Variants in C17orf75 observed in about 807,000 individuals in gnomAD.
The protein encoded by C17orf75 is protein Njmu-R1.
A neutral mutation model predicts 49.6 loss-of-function variants in C17orf75; 32 were observed. That is an observed-to-expected ratio of 0.65 (90% CI 0.49 to 0.87). C17orf75 has a LOEUF of 0.87. Among genes scored for constraint, C17orf75 ranks in the 40% least tolerant of loss-of-function variants. C17orf75 has a pLI of 0.00. For missense variants in C17orf75, 428 were observed against 473.9 expected (o/e 0.90, Z 0.90); for synonymous variants, 158 against 159.5 (o/e 0.99, Z 0.07).
intron 8 of C17orf75, 23 bp from the exon 9 acceptor site, chr17:32,333,543 T>A: frequency 6.6e-7 from 1 of 1,517,942 alleles, no homozygotes; most frequent in Non-Finnish European, 9.0e-7. Flanking sequence ...TCAGAGAGAC[T>A]AAATAAAATG....
In C17orf75 at chr17:32,337,203, G is replaced by A. The variant is rs956694948; in HGVS notation, c.549+694C>T. The stretch of plus-strand genomic sequence containing the variant: ...AGGCTGGGCACAATGGCTCGTGTCT[G>A]TAATCTCAGCACTTTGGGTGGCTGA... On this transcript the variant is annotated intron_variant, in intron 5 of 9. Coordinates refer to ENST00000577809, the MANE Select transcript of C17orf75 (RefSeq NM_022344.4). Among the ~76,000 whole-genome samples the A allele has an allele frequency of 3.3e-5, 5 of 152,244 alleles. No homozygotes were observed. In the East Asian group the frequency reaches 7.7e-4, roughly 24 times the overall value.
At chr17:32,343,539 T>C (rs796522608), upstream of C17orf75, 1 of 328,222 alleles carries the variant, frequency 3.0e-6, no homozygotes, top group Non-Finnish European at 5.5e-6. Flanking sequence ...TAAGCAATTA[T>C]GGCAGAGATT....
chr17:32,334,529 C>T lies in C17orf75; in HGVS notation c.811G>A (p.Glu271Lys). Reference protein sequence around the residue: ...MTSLCMAMTEEQHKSVVIDCS... With the variant: ...MTSLCMAMTEKQHKSVVIDCS... ...TCGATGACCACAGACTTATGCTGCTCCTCTGTCATGGCCATGCACAAAGAA... is the reference window on the plus strand; with the variant it reads ...TCGATGACCACAGACTTATGCTGCTTCTCTGTCATGGCCATGCACAAAGAA... The change falls in exon 8 of 10, where the codon GAG becomes AAG. Residue 271 changes from glutamate to lysine, a missense_variant. By Grantham distance (56) the Glu-to-Lys change is moderately conservative. Coordinates refer to ENST00000577809, the MANE Select transcript of C17orf75 (RefSeq NM_022344.4). 6.2e-7 allele frequency: 1 copy of T among 1,612,454 alleles called. No homozygotes were observed. The highest frequency in any genetic ancestry group is 8.5e-7 in the Non-Finnish European group (1 of 1,179,366).
At chr17:32,348,982 C>T (rs2041453560) in intron 1 of C17orf75, among the ~76,000 whole-genome samples, 1 of 148,012 alleles carries the variant, frequency 6.8e-6, no homozygotes, top group Non-Finnish European at 1.5e-5. Flanking sequence ...TCTCCTGCCT[C>T]ATTCTCCCGA....
rs1363135838 is a variant in C17orf75, at chr17:32,331,642, A to G, written c.*121T>C. 1 of 811,576 alleles carries G rather than the reference A, an allele frequency of 1.2e-6. No individual in the cohort carries two copies. Among genetic ancestry groups the G allele is most frequent in the East Asian group, 2.7e-5 (1 of 37,662 alleles). 50.3% of individuals were successfully genotyped at this position (811,576 alleles called of 1,614,324 possible). On this transcript the variant is annotated 3_prime_UTR_variant, in exon 10 of 10. Transcript: ENST00000577809. ...AGTTAAATTGGTAAAATACAAAAAGAAAATCTGGATTGAGTTTCAAATCAT... is the reference window on the plus strand; with the variant it reads ...AGTTAAATTGGTAAAATACAAAAAGGAAATCTGGATTGAGTTTCAAATCAT...
chr17:32,337,686 G>A (rs1209969283), intron 5 of C17orf75, among the ~76,000 whole-genome samples: 1 of 152,108 alleles, frequency 6.6e-6, no homozygotes, highest in Non-Finnish European at 1.5e-5. Flanking sequence ...CGATTCTCCT[G>A]CCTCAGCCTC....
At chr17:32,337,101 C>T (rs530977809) in intron 5 of C17orf75, among the ~76,000 whole-genome samples, 1 of 151,998 alleles carries the variant, frequency 6.6e-6, no homozygotes, top group East Asian at 1.9e-4. Flanking sequence ...AAGCCATGAT[C>T]GTGCCACTGC....
At chr17:32,349,581 AG>A (rs1343806191) in intron 1 of C17orf75, among the ~76,000 whole-genome samples, 3 of 152,176 alleles carry the variant, frequency 2.0e-5, no homozygotes, top group African/African-American at 7.2e-5. Flanking sequence ...ACTTGGTCTC[AG>A]AAAAATAAAA....
intron 1 of C17orf75, among the ~76,000 whole-genome samples, chr17:32,349,134 G>T (rs2041457345): frequency 6.6e-6 from 1 of 151,842 alleles, no homozygotes; most frequent in Non-Finnish European, 1.5e-5. Context: ...GGCCCATAGT[G>T]TTGGGATTAC....
chr17:32,337,855 C>T (rs1300779577), intron 5 of C17orf75, 42 bp downstream of exon 5: 2 of 1,560,322 alleles, frequency 1.3e-6, no homozygotes, highest in Admixed American at 3.7e-5. Context: ...CTGAGCCTGG[C>T]CCCATTTCAG....
At chr17:32,341,305 A>G in intron 1 of C17orf75, 21 bp from the exon 2 acceptor site, 1 of 1,613,528 alleles carries the variant, frequency 6.2e-7, no homozygotes, top group Non-Finnish European at 8.5e-7. Flanking sequence ...CAAAACCAAT[A>G]GTGCTATCAA....
chr17:32,346,163 G>A (rs148240279), upstream of C17orf75, among the ~76,000 whole-genome samples: 25 of 152,180 alleles, frequency 1.6e-4, no homozygotes, highest in African/African-American at 5.8e-4. Context: ...GCTCACGCTT[G>A]TTAATCTTAA....
chr17:32,342,077 C>G lies in C17orf75; in HGVS notation c.63G>C (p.Glu21Asp), dbSNP rs1217321808. The change falls in exon 1 of 10, where the codon GAG (glutamate) becomes GAC (aspartate). Residue 21 changes from glutamate to aspartate, a missense_variant. Transcript: ENST00000577809. Reference sequence around the variant, plus strand: ...GTCTCCGCTCCTCGGCTGAGCCTCCCTCTTCGCTGCTCTCTAGTTCCTTTT... The same window carrying G: ...GTCTCCGCTCCTCGGCTGAGCCTCCGTCTTCGCTGCTCTCTAGTTCCTTTT... ...GDEKELESSE[E>D]GGSAEERRLE... 1.3e-6 allele frequency: 2 copies of G among 1,587,922 alleles called. No individual in the cohort carries two copies. The highest frequency in any genetic ancestry group is 3.6e-5 in the Admixed American group (2 of 56,048).
intron 6 of C17orf75, 84 bp downstream of exon 6, chr17:32,335,239 T>C: frequency 6.7e-7 from 1 of 1,499,798 alleles, no homozygotes; most frequent in Admixed American, 1.9e-5. Context: ...GGGATGGGAG[T>C]CATGTTCAGA....
chr17:32,348,210 A>G (rs975810088), intron 1 of C17orf75, among the ~76,000 whole-genome samples: 1 of 151,644 alleles, frequency 6.6e-6, no homozygotes, highest in African/African-American at 2.4e-5. Context: ...TTTAGTAAAG[A>G]CCGGGTTTCA....
Position 32,333,528 on chromosome 17 carries a change from A to T in C17orf75, c.872-8T>A. The stretch of plus-strand genomic sequence containing the variant: ...CACAAAACCGGTTACTTCCTATAAA[A>T]CATTTCAGAGAGACTAAATAAAATG... On this transcript the variant is annotated splice_region_variant and splice_polypyrimidine_tract_variant and intron_variant, in intron 8 of 9. Transcript: ENST00000577809. 1 of 1,593,076 alleles carries T rather than the reference A, an allele frequency of 6.3e-7. No individual in the cohort carries two copies. Among genetic ancestry groups the T allele is most frequent in the Non-Finnish European group, 8.6e-7 (1 of 1,167,024 alleles).
rs1455202085 is a variant in C17orf75, at chr17:32,330,703, CTGTA to C, written c.*1056_*1059del. 1 of 152,178 alleles carries C rather than the reference CTGTA, an allele frequency of 6.6e-6. No homozygotes were observed. Among genetic ancestry groups the C allele is most frequent in the African/African-American group, 2.4e-5 (1 of 41,432 alleles). The allele number at this position is 152,178 out of a possible 1,614,324, so 9.4% of individuals were successfully genotyped here. A position where few individuals can be genotyped will look rare whatever the true frequency, so the allele number is the denominator to read the frequency against. On this transcript the variant is annotated 3_prime_UTR_variant, in exon 10 of 10. Transcript: ENST00000577809. ...CCTTATGTTACAGTTTGCTTGTAAA[CTGTA>C]TGTACTTTGTTTCTTTTCTCAACAC...
chr17:32,334,434 G>T, intron 8 of C17orf75, 35 bp downstream of exon 8: 1 of 1,598,570 alleles, frequency 6.3e-7, no homozygotes, highest in African/African-American at 1.3e-5. Context: ...ACTCGCAAGA[G>T]ATGTAGGAAG....
At chr17:32,339,715 C>A in intron 3 of C17orf75, 98 bp downstream of exon 3, 1 of 1,481,924 alleles carries the variant, frequency 6.7e-7, no homozygotes. Context: ...AAGACAAATT[C>A]TGCAGGTCTA....
Sources: gnomAD v4.1 joint callset for allele counts (sites outside exome capture counted in the v4.1 genomes callset) on GRCh38, gnomAD v4.1.1 for gene constraint, MANE v1.5 for transcripts, NCBI Gene and HGNC (gene_info 2026-07-23, HGNC 2026-07-21) for gene names.